Variants in WDR49 observed in about 807,000 individuals in gnomAD.
WDR49 encodes cilia- and flagella-associated protein 337.
Under a neutral mutation model 119.5 loss-of-function variants are expected in WDR49, and 107 were observed. The ratio of observed to expected loss-of-function variants is 0.90; its 90% CI spans 0.77 to 1.05. WDR49 has a LOEUF of 1.05. Ranked by LOEUF, WDR49 falls within the 50% of genes least tolerant of loss-of-function variation. The pLI is 0.00. For synonymous variants in WDR49, 425 were observed against 418.8 expected (o/e 1.01, Z -0.18); for missense variants, 1,240 against 1,220.5 (o/e 1.02, Z -0.24).
chr3:167,494,771 T>C (rs1031817479), intron 18 of WDR49, among the ~76,000 whole-genome samples: 1 of 152,208 alleles, frequency 6.6e-6, no homozygotes, highest in Admixed American at 6.5e-5. Flanking sequence ...TGGCCAGTCT[T>C]TCCCATAGGA....
At chr3:167,482,244 G>A (rs1309975841) in intron 18 of WDR49, among the ~76,000 whole-genome samples, 5 of 152,088 alleles carry the variant, frequency 3.3e-5, no homozygotes, top group African/African-American at 4.8e-5. Flanking sequence ...GATAATCAGG[G>A]AAAGAATATG....
intron 7 of WDR49, among the ~76,000 whole-genome samples, chr3:167,594,646 G>A (rs192592592): frequency 1.4e-4 from 21 of 152,240 alleles, no homozygotes; most frequent in Admixed American, 5.9e-4. Context: ...AGCAAAACCC[G>A]GCCTTTGACA....
intron 16 of WDR49, among the ~76,000 whole-genome samples, chr3:167,506,817 C>T (rs563587059): frequency 6.6e-6 from 1 of 152,058 alleles, no homozygotes; most frequent in Non-Finnish European, 1.5e-5. Context: ...GACGATTTTT[C>T]TTGTTTATTA....
chr3:167,487,382 G>C (rs530408617), intron 18 of WDR49, among the ~76,000 whole-genome samples: 1 of 152,132 alleles, frequency 6.6e-6, no homozygotes, highest in Admixed American at 6.6e-5. Flanking sequence ...ATTAACTAAG[G>C]TTGAATTAAA....
intron 18 of WDR49, among the ~76,000 whole-genome samples, chr3:167,484,894 G>A (rs1167345024): frequency 5.3e-5 from 8 of 152,014 alleles, no homozygotes; most frequent in African/African-American, 1.9e-4. Context: ...ATATGCACAC[G>A]TATGTTTATT....
chr3:167,518,839 A>G (rs1752318229), intron 16 of WDR49, among the ~76,000 whole-genome samples: 1 of 151,540 alleles, frequency 6.6e-6, no homozygotes, highest in Admixed American at 6.6e-5. Flanking sequence ...TGAACAGACA[A>G]CTTACAGAAT....
At position 167,620,439 on chromosome 3, in the gene WDR49, C is replaced by A. The variant is rs1321672199; in HGVS notation, c.948G>T (p.Trp316Cys). 2 of 1,534,770 alleles carry A rather than the reference C, an allele frequency of 1.3e-6. No homozygotes were observed. The highest frequency in any genetic ancestry group is 2.7e-5 in the African/African-American group (2 of 72,922). ...ILEHKLHQGD[W>C]VRQVTYNASL... ...GTTCAAATTCAATACCTTGCCTGAC[C>A]CAATCTCCTTGATGAAGTTTATGCT... Residue 316 changes from tryptophan (W) to cysteine (C), a missense_variant, in exon 5 of 19, where the codon TGG becomes TGT. Transcript: ENST00000682715.
At position 167,576,045 on chromosome 3, in the gene WDR49, TG is replaced by T. The variant is rs1714235054; in HGVS notation, c.1381del (p.His461MetfsTer12). 1.2e-6 allele frequency: 2 copies of T among 1,614,048 alleles called. No individual in the cohort carries two copies. Among genetic ancestry groups the T allele is most frequent in the African/African-American group, 2.7e-5 (2 of 74,916 alleles). ...FRCLFHFDEA[H>X]GRLFISFNNQ... The stretch of plus-strand genomic sequence containing the variant: ...ATTAAACGAGATGAAAAGTCGTCCA[TG>T]GGCTTCATCAAAGTGGAAGAGACAT... On this transcript the variant is annotated frameshift_variant, in exon 8 of 19. Coordinates refer to ENST00000682715, the MANE Select transcript of WDR49 (RefSeq NM_001366157.1). LOFTEE classifies it high-confidence loss of function.
At chr3:167,607,040 G>A (rs1716094661) in intron 5 of WDR49, among the ~76,000 whole-genome samples, 1 of 152,098 alleles carries the variant, frequency 6.6e-6, no homozygotes, top group African/African-American at 2.4e-5. Flanking sequence ...TAGACTGAGT[G>A]GAAAACCCAG....
intron 5 of WDR49, among the ~76,000 whole-genome samples, chr3:167,609,638 G>A (rs890933462): frequency 1.3e-5 from 2 of 152,264 alleles, no homozygotes; most frequent in African/African-American, 2.4e-5. Context: ...CAACTCATAG[G>A]TGAGTCCTTG....
In WDR49 at chr3:167,500,251, A is replaced by G. The variant is rs745873449; in HGVS notation, c.2933T>C (p.Val978Ala). ...GTCTAGAAGGAAAGCAGGTTTATTC[A>G]CTTCAGGCAGCTCTTCCAGGGCTCC... is the stretch of plus-strand genomic sequence containing the variant. ...NIGALEELPE[V>A]NKPAFLLDPE... Residue 978 changes from valine to alanine, a missense_variant, in exon 18 of 19, where the codon GTG (valine) becomes GCG (alanine). Physicochemically the swap from Val to Ala is moderately conservative, Grantham distance 64. Coordinates refer to ENST00000682715, the MANE Select transcript of WDR49 (RefSeq NM_001366157.1). 4.4e-6 allele frequency: 7 copies of G among 1,606,904 alleles called. No homozygotes were observed. Among genetic ancestry groups the G allele is most frequent in the African/African-American group, 1.3e-5 (1 of 74,318 alleles).
chr3:167,502,623 TA>T (rs1258783584), intron 17 of WDR49, among the ~76,000 whole-genome samples: 1 of 152,194 alleles, frequency 6.6e-6, no homozygotes, highest in African/African-American at 2.4e-5. Flanking sequence ...AGGTCACCCA[TA>T]TTATGCCTTA....
rs958432587 is a variant in WDR49, at chr3:167,620,295, C to A, written c.958+134G>T. 8 of 872,222 alleles carry A rather than the reference C, an allele frequency of 9.2e-6. No individual in the cohort carries two copies. The Admixed American group carries it at 2.8e-4, about 31-fold the overall frequency. 54.0% of individuals were successfully genotyped at this position (872,222 alleles called of 1,614,324 possible). A position where few individuals can be genotyped will look rare whatever the true frequency, so the allele number is the denominator to read the frequency against. On this transcript the variant is annotated intron_variant, in intron 5 of 18. Coordinates refer to ENST00000682715, the MANE Select transcript of WDR49 (RefSeq NM_001366157.1). ...GCCAGTATTCAAGGGATAGCAGAGT[C>A]CAGGCCACAACCTCCAGAGAACCAA...
At chr3:167,565,695 C>A (rs1713552084) in intron 8 of WDR49, among the ~76,000 whole-genome samples, 2 of 152,066 alleles carry the variant, frequency 1.3e-5, no homozygotes, top group African/African-American at 4.8e-5. Context: ...GTGTCCTTGG[C>A]ACATTCAAGG....
intron 7 of WDR49, among the ~76,000 whole-genome samples, chr3:167,600,656 C>T (rs1291209594): frequency 6.6e-6 from 1 of 152,092 alleles, no homozygotes; most frequent in Non-Finnish European, 1.5e-5. Flanking sequence ...CAGTATGATA[C>T]CTGCTGTAAT....
chr3:167,525,871 C>A (rs1054972065), intron 15 of WDR49, among the ~76,000 whole-genome samples: 2 of 126,104 alleles, frequency 1.6e-5, no homozygotes, highest in East Asian at 2.4e-4. Flanking sequence ...CAAAAAAAAA[C>A]TTCCCTTTTC....
At position 167,529,051 on chromosome 3, in the gene WDR49, C is replaced by T. The variant is rs1752745496; in HGVS notation, c.2406+1G>A. ...TAATGTGATAATGTTTTTCAATTTA[C>T]CTCTATATTCCAGATTTTCAACCAT... On this transcript the variant is annotated splice_donor_variant, in intron 14 of 18. Transcript: ENST00000682715. LOFTEE classifies it high-confidence loss of function. 6.4e-7 allele frequency: 1 copy of T among 1,554,644 alleles called. No homozygotes were observed. The highest frequency in any genetic ancestry group is 2.1e-5 in the Admixed American group (1 of 47,164).
chr3:167,569,166 A>C (rs917168485), intron 8 of WDR49, among the ~76,000 whole-genome samples: 1 of 150,684 alleles, frequency 6.6e-6, no homozygotes, highest in African/African-American at 2.4e-5. Context: ...CTGGTCTTGA[A>C]CTCCTGACCT....
intron 5 of WDR49, among the ~76,000 whole-genome samples, chr3:167,604,925 TTTC>T (rs1457010600): frequency 6.6e-6 from 1 of 152,096 alleles, no homozygotes; most frequent in African/African-American, 2.4e-5. Context: ...TGAGAATAAA[TTTC>T]TGCTTCACAA....
Sources: gnomAD v4.1 joint callset for allele counts (sites outside exome capture counted in the v4.1 genomes callset) on GRCh38, gnomAD v4.1.1 for gene constraint, MANE v1.5 for transcripts, NCBI Gene and HGNC (gene_info 2026-07-23, HGNC 2026-07-21) for gene names.